The following KMT2A variants were observed in gnomAD, a reference collection of about 807,000 sequenced individuals.
KMT2A encodes histone-lysine N-methyltransferase 2A.
Under a neutral mutation model 345.3 loss-of-function variants are expected in KMT2A, and 16 were observed. That is an observed-to-expected ratio of 0.05 (90% CI 0.03 to 0.07). The LOEUF (loss-of-function observed/expected upper bound fraction) is 0.07, where lower values mean the gene tolerates loss of function less well. Among genes scored for constraint, KMT2A ranks in the 10% least tolerant of loss-of-function variants. The probability of loss-of-function intolerance (pLI) is 1.00; values close to 1 mark genes in which losing one functional copy is unlikely to be tolerated. For missense variants in KMT2A, 3,272 were observed against 4,841.6 expected, an observed-to-expected ratio of 0.68 and a Z score of 9.62; for synonymous variants, 1,599 against 1,778.6, an observed-to-expected ratio of 0.90 and a Z score of 2.54.
chr11:118,509,939 C>T lies in KMT2A; in HGVS notation c.10901-9C>T, dbSNP rs782421888. On this transcript the variant is annotated splice_polypyrimidine_tract_variant and intron_variant, in intron 29 of 35. Transcript: ENST00000534358. ...TTACTGCAACCACTATCTATTTTCTCCCTATTAGAACCTAAAACAGTGGAA... is the reference window on the plus strand; with the variant it reads ...TTACTGCAACCACTATCTATTTTCTTCCTATTAGAACCTAAAACAGTGGAA... The T allele has an allele frequency of 1.3e-6, 2 of 1,586,506 alleles. No individual in the cohort carries two copies. The highest frequency in any genetic ancestry group is 2.7e-5 in the African/African-American group (2 of 73,732).
At chr11:118,437,516 TC>T (rs1221834047) in intron 1 of KMT2A, among the ~76,000 whole-genome samples, 1 of 131,262 alleles carries the variant, frequency 7.6e-6, no homozygotes, top group Non-Finnish European at 1.6e-5. Context: ...TGCCAGCCAC[TC>T]CCCCTTCCTT....
Position 118,517,795 on chromosome 11 carries a change from A to C in KMT2A, c.11147-1823A>C, listed in dbSNP as rs577575320. ...TTCAAGGTTACAGTGAGCTATGATC[A>C]TGCTACTGCACTCCAGCCTGGGCAA... On this transcript the variant is annotated intron_variant, in intron 31 of 35. Transcript: ENST00000534358. Among the ~76,000 whole-genome samples the C allele has an allele frequency of 1.2e-4, 18 of 151,962 alleles. No individual in the cohort carries two copies. The South Asian group carries it at 3.7e-3, about 32-fold the overall frequency.
At chr11:118,508,843 C>T (rs1181029297) in intron 28 of KMT2A, among the ~76,000 whole-genome samples, 1 of 151,962 alleles carries the variant, frequency 6.6e-6, no homozygotes, top group African/African-American at 2.4e-5. Flanking sequence ...GACAAGTGTC[C>T]TTTCATTTTT....
At chr11:118,486,576 G>A (rs1950233538) in intron 10 of KMT2A, among the ~76,000 whole-genome samples, 1 of 151,930 alleles carries the variant, frequency 6.6e-6, no homozygotes, top group Admixed American at 6.6e-5. Context: ...ATTCAAAGGT[G>A]GTAAAGAAAA....
Position 118,498,285 on chromosome 11 carries a change from A to C in KMT2A, c.5803-85A>C, listed in dbSNP as rs1555044659. 1 of 1,295,888 alleles carries C rather than the reference A, an allele frequency of 7.7e-7. No individual in the cohort carries two copies. Among genetic ancestry groups the C allele is most frequent in the Non-Finnish European group, 1.1e-6 (1 of 935,524 alleles). 80.3% of individuals were successfully genotyped at this position (1,295,888 alleles called of 1,614,324 possible). ...ATAAAATGAATTGTAGGAACTGTAG[A>C]ATGGGATGAGTCTATAGAGGAGACG... On this transcript the variant is annotated intron_variant, in intron 21 of 35. Coordinates refer to ENST00000534358, the MANE Select transcript of KMT2A (RefSeq NM_001197104.2). The surrounding 1 kb of genome is among the most constrained non-coding windows in gnomAD (Gnocchi z 4.4).
rs1233032989 is a variant in KMT2A at position 118,503,950 on chromosome 11, C to T, written c.8058C>T (p.Asn2686=). The T allele has an allele frequency of 1.2e-6, 2 of 1,614,062 alleles. No individual in the cohort carries two copies. The highest frequency in any genetic ancestry group is 1.7e-6 in the Non-Finnish European group (2 of 1,180,024). ...TSDEDDLYYY[N]FTRTVISSGG... is the part of the protein sequence containing the mutation. ...ATGAAGACGACTTATACTATTACAA[C>T]TTCACTAGAACAGTGATTTCTTCAG... The change falls in exon 27 of 36, where the codon AAC becomes AAT. Residue 2686 remains asparagine, a synonymous_variant. Transcript: ENST00000534358. The surrounding 1 kb of genome is among the most constrained non-coding windows in gnomAD (Gnocchi z 5.3).
At chr11:118,477,746 A>G (rs1950065766) in intron 4 of KMT2A, among the ~76,000 whole-genome samples, 1 of 151,850 alleles carries the variant, frequency 6.6e-6, no homozygotes, top group Non-Finnish European at 1.5e-5. Flanking sequence ...ACCTCAGGTG[A>G]TCTGCCTGGC....
chr11:118,521,885 C>T lies in KMT2A; in HGVS notation c.11644-12C>T. ...AAATGACAAGTTCTTCTCCCTTCTT[C>T]TGCATGTGCAGGGCATTGGTTGCTA... On this transcript the variant is annotated splice_polypyrimidine_tract_variant and intron_variant, in intron 35 of 35. Transcript: ENST00000534358. This position sits in a 1 kb window ranked among gnomAD's most constrained non-coding sequence, Gnocchi z 5.3. 2 of 1,606,978 alleles carry T rather than the reference C, an allele frequency of 1.2e-6. No individual in the cohort carries two copies. The highest frequency in any genetic ancestry group is 1.7e-6 in the Non-Finnish European group (2 of 1,173,882).
At chr11:118,458,054 ATT>A in intron 1 of KMT2A, 3 of 269,208 alleles carry the variant, frequency 1.1e-5, no homozygotes, top group African/African-American at 2.3e-5. Context: ...CTCCCTATGC[ATT>A]TTTTTTTGAG....
chr11:118,513,769 TA>T (rs1178359383), intron 31 of KMT2A, among the ~76,000 whole-genome samples: 3 of 149,932 alleles, frequency 2.0e-5, no homozygotes, highest in African/African-American at 2.4e-5. Flanking sequence ...CATCTCTATA[TA>T]AAAAAAAATT....
chr11:118,457,605 C>T (rs1555031313), intron 1 of KMT2A, among the ~76,000 whole-genome samples: 1 of 151,760 alleles, frequency 6.6e-6, no homozygotes, highest in Non-Finnish European at 1.5e-5. Context: ...TTGCCCCTTT[C>T]CCACATCAGC....
intron 1 of KMT2A, among the ~76,000 whole-genome samples, chr11:118,438,627 C>A (rs1016624796): frequency 6.6e-6 from 1 of 152,114 alleles, no homozygotes; most frequent in African/African-American, 2.4e-5. Context: ...AACCCCTTGT[C>A]CCCTATTGTG....
intron 5 of KMT2A, 134 bp from the exon 6 acceptor site, chr11:118,480,040 G>A (rs1437973402): frequency 2.9e-6 from 2 of 678,800 alleles, no homozygotes; most frequent in Non-Finnish European, 5.1e-6. Flanking sequence ...TGAGTAATGA[G>A]CAGTCCTTTT....
At chr11:118,463,139 A>G (rs1555033225) in intron 1 of KMT2A, among the ~76,000 whole-genome samples, 2 of 150,948 alleles carry the variant, frequency 1.3e-5, no homozygotes, top group African/African-American at 4.9e-5. Flanking sequence ...TTTTTTTTAA[A>G]TAAAGATGGG....
chr11:118,462,760 C>T (rs1044750015), intron 1 of KMT2A, among the ~76,000 whole-genome samples: 6 of 152,140 alleles, frequency 3.9e-5, no homozygotes, highest in Non-Finnish European at 1.5e-5. Flanking sequence ...GACAGGGTTT[C>T]ACCGTGTTAG....
intron 1 of KMT2A, chr11:118,458,234 C>T (rs1555031482): frequency 6.7e-6 from 2 of 299,494 alleles, no homozygotes; most frequent in Non-Finnish European, 1.3e-5. Context: ...CAGGCACCCA[C>T]CACACCCAGT....
chr11:118,458,319 G>T, intron 1 of KMT2A: 1 of 181,862 alleles, frequency 5.5e-6, no homozygotes, highest in Non-Finnish European at 1.2e-5. Context: ...CAACTCCTGG[G>T]CTCAAGCCAT....
rs185570106 is a variant in KMT2A, at chr11:118,470,161, T to C, written c.502+1317T>C. Reference sequence around the variant, plus strand: ...TTCTCTGTTCTGCTGCTTCTACTTATCTACCAAAAGAGTTTTTTAAAAAGT... The same window carrying C: ...TTCTCTGTTCTGCTGCTTCTACTTACCTACCAAAAGAGTTTTTTAAAAAGT... On this transcript the variant is annotated intron_variant, in intron 2 of 35. Transcript: ENST00000534358. Among the ~76,000 whole-genome samples, 595 of 152,350 alleles carry C rather than the reference T, an allele frequency of 3.9e-3. 5 individuals are homozygous for C. The highest frequency in any genetic ancestry group is 0.013 in the African/African-American group (561 of 41,588).
At position 118,484,427 on chromosome 11, in the gene KMT2A, TAAG is replaced by T. The variant is rs1950194971; in HGVS notation, c.4218+116_4218+118del. 8.9e-7 allele frequency: 1 copy of T among 1,128,366 alleles called. No homozygotes were observed. The allele number at this position is 1,128,366 out of a possible 1,614,324, so 69.9% of individuals were successfully genotyped here. A position where few individuals can be genotyped will look rare whatever the true frequency, so the allele number is the denominator to read the frequency against. ...AATCAGCACCAACTGGGGGAATGAA[TAAG>T]AACTCCCATTAGCAGGTGGGTTTAG... On this transcript the variant is annotated intron_variant, in intron 9 of 35. Coordinates refer to ENST00000534358, the MANE Select transcript of KMT2A (RefSeq NM_001197104.2). The surrounding 1 kb of genome is among the most constrained non-coding windows in gnomAD (Gnocchi z 4.1).
Sources: gnomAD v4.1 joint callset for allele counts (sites outside exome capture counted in the v4.1 genomes callset) on GRCh38, gnomAD v4.1.1 for gene constraint, Gnocchi (gnomAD v3.1) non-coding constraint, MANE v1.5 for transcripts, NCBI Gene and HGNC (gene_info 2026-07-23, HGNC 2026-07-21) for gene names.